The following DLEU7 variants were observed in gnomAD, a reference collection of about 807,000 sequenced individuals.
The protein encoded by DLEU7 is leukemia-associated protein 7.
Under a neutral mutation model 16.0 loss-of-function variants are expected in DLEU7, and 17 were observed. That is an observed-to-expected ratio of 1.06 (90% confidence interval 0.73 to 1.59). The LOEUF is 1.59. Ranked by LOEUF, DLEU7 falls within the 40% of genes most tolerant of loss-of-function variation. The probability of loss-of-function intolerance (pLI) is 0.00; values close to 1 mark genes in which losing one functional copy is unlikely to be tolerated. For synonymous variants in DLEU7, 113 were observed against 139.8 expected, an observed-to-expected ratio of 0.81 and a Z score of 1.35; for missense variants, 308 against 314.9, an observed-to-expected ratio of 0.98 and a Z score of 0.17.
At chr13:50,750,675 T>TTTGA (rs796815888) in intron 1 of DLEU7, among the ~76,000 whole-genome samples, 68 of 151,922 alleles carry the variant, frequency 4.5e-4, no homozygotes, top group African/African-American at 1.6e-3. Flanking sequence ...TCCTATGTTT[T>TTTGA]TTGTTTGTTT....
chr13:50,771,658 T>A lies in DLEU7; in HGVS notation c.460-58418A>T, dbSNP rs144270659. On this transcript the variant is annotated intron_variant, in intron 1 of 1. Transcript: ENST00000400393. ...TTGTTGTGATTTCTATTCTTTTACA[T>A]TTGCTGAGGAGAACTTTACTTCCAA... is the stretch of plus-strand genomic sequence containing the variant. Among the ~76,000 whole-genome samples, 696 of 152,328 alleles carry A rather than the reference T, an allele frequency of 4.6e-3. 3 individuals carry two copies. Among genetic ancestry groups the A allele is most frequent in the African/African-American group, 0.016 (668 of 41,572 alleles).
chr13:50,809,694 T>C (rs1876504507), intron 1 of DLEU7, among the ~76,000 whole-genome samples: 1 of 152,084 alleles, frequency 6.6e-6, no homozygotes, highest in African/African-American at 2.4e-5. Flanking sequence ...CAAAAACACT[T>C]TTTTCTTTTT....
intron 1 of DLEU7, among the ~76,000 whole-genome samples, chr13:50,783,976 G>A (rs889824771): frequency 1.3e-5 from 2 of 152,192 alleles, no homozygotes; most frequent in Admixed American, 1.3e-4. Flanking sequence ...CTGTTTTTAA[G>A]AGGTTGCCAA....
chr13:50,838,155 C>T (rs1364111865), intron 1 of DLEU7, among the ~76,000 whole-genome samples: 3 of 152,158 alleles, frequency 2.0e-5, no homozygotes, highest in South Asian at 2.1e-4. Flanking sequence ...GCAATGACTG[C>T]GAAGCCAAAG....
At chr13:50,730,634 A>G (rs1873889049) in intron 1 of DLEU7, among the ~76,000 whole-genome samples, 1 of 152,154 alleles carries the variant, frequency 6.6e-6, no homozygotes, top group African/African-American at 2.4e-5. Context: ...TGGTTTTTAA[A>G]TCAGAGTGTG....
At chr13:50,829,010 T>A (rs1175865898) in intron 1 of DLEU7, among the ~76,000 whole-genome samples, 1 of 152,220 alleles carries the variant, frequency 6.6e-6, no homozygotes. Context: ...TGGCTCAAGA[T>A]GGCATTGAAT....
At chr13:50,711,772 C>CCGGGGGGGGGGGGGGGGGGGGGGGGGGGG, downstream of DLEU7, 4 of 72,920 alleles carry the variant, frequency 5.5e-5, 1 homozygote, top group Non-Finnish European at 1.0e-4. Flanking sequence ...GACCCAGTGG[C>CCGGGGGGGGGGGGGGGGGGGGGGGGGGGG]GGGGGCGGGG....
chr13:50,782,879 G>C (rs1473467222), intron 1 of DLEU7, among the ~76,000 whole-genome samples: 1 of 151,916 alleles, frequency 6.6e-6, no homozygotes, highest in Non-Finnish European at 1.5e-5. Context: ...AGATGCTGTT[G>C]GTGCCTGGGT....
At chr13:50,746,178 T>C (rs893287043) in intron 1 of DLEU7, among the ~76,000 whole-genome samples, 1 of 152,222 alleles carries the variant, frequency 6.6e-6, no homozygotes, top group Non-Finnish European at 1.5e-5. Context: ...CAGTAAGTTC[T>C]GTGCAAGCAT....
At position 50,815,523 on chromosome 13, in the gene DLEU7, A is replaced by G. The variant is rs538904123; in HGVS notation, c.459+27665T>C. On this transcript the variant is annotated intron_variant, in intron 1 of 1. Transcript: ENST00000400393. The stretch of plus-strand genomic sequence containing the variant: ...TTTTTCAATTGTTTCTATACTGACT[A>G]GATCAACTATTGAGCAGGTTCATTC... Among the ~76,000 whole-genome samples the G allele has an allele frequency of 2.6e-5, 4 of 152,276 alleles. No homozygotes were observed. The South Asian group carries it at 8.3e-4, about 32-fold the overall frequency.
At chr13:50,806,313 T>A (rs1385224702) in intron 1 of DLEU7, among the ~76,000 whole-genome samples, 1 of 152,150 alleles carries the variant, frequency 6.6e-6, no homozygotes, top group East Asian at 1.9e-4. Context: ...AAGAAATTAT[T>A]TTTTATTTTC....
chr13:50,751,059 T>C (rs557484931), intron 1 of DLEU7, among the ~76,000 whole-genome samples: 1 of 152,320 alleles, frequency 6.6e-6, no homozygotes, highest in Non-Finnish European at 1.5e-5. Context: ...CAGTATTACG[T>C]TGGCTGTGGG....
rs75706650 is a variant in DLEU7 at position 50,803,207 on chromosome 13, C to T, written c.459+39981G>A. Among the ~76,000 whole-genome samples, 455 of 152,226 alleles carry T rather than the reference C, an allele frequency of 3.0e-3. 3 individuals are homozygous for T. Among genetic ancestry groups the T allele is most frequent in the African/African-American group, 0.01 (420 of 41,546 alleles). On this transcript the variant is annotated intron_variant, in intron 1 of 1. Transcript: ENST00000400393. ...CAAATTTCCCTCAACTAAGATTGTA[C>T]GAATTTATACTTTAACCATCAGTGT...
intron 1 of DLEU7, among the ~76,000 whole-genome samples, chr13:50,828,339 A>G (rs1956989591): frequency 6.6e-6 from 1 of 152,236 alleles, no homozygotes; most frequent in Non-Finnish European, 1.5e-5. Context: ...TCACAATGCA[A>G]ATAAATGAGA....
intron 1 of DLEU7, among the ~76,000 whole-genome samples, chr13:50,772,862 T>G (rs1283283589): frequency 6.6e-6 from 1 of 152,232 alleles, no homozygotes; most frequent in Non-Finnish European, 1.5e-5. Flanking sequence ...GCAGAGTATT[T>G]TCCAACTTGG....
chr13:50,772,667 A>C (rs1463047979), intron 1 of DLEU7, among the ~76,000 whole-genome samples: 1 of 152,184 alleles, frequency 6.6e-6, no homozygotes, highest in Admixed American at 6.5e-5. Flanking sequence ...CTTTGTGGGT[A>C]ACCCGACCTT....
At chr13:50,833,478 T>G (rs995028072) in intron 1 of DLEU7, among the ~76,000 whole-genome samples, 3 of 152,100 alleles carry the variant, frequency 2.0e-5, no homozygotes, top group African/African-American at 7.2e-5. Flanking sequence ...GAATACAAAT[T>G]ACAAGGGATG....
At chr13:50,754,250 T>A (rs1415031485) in intron 1 of DLEU7, among the ~76,000 whole-genome samples, 1 of 152,222 alleles carries the variant, frequency 6.6e-6, no homozygotes, top group Non-Finnish European at 1.5e-5. Flanking sequence ...TGACGACCTG[T>A]CTAGTGCTAT....
intron 1 of DLEU7, among the ~76,000 whole-genome samples, chr13:50,835,754 CTGCATTG>C (rs1156650545): frequency 4.6e-5 from 7 of 152,246 alleles, no homozygotes; most frequent in African/African-American, 1.7e-4. Flanking sequence ...TTTCTGCATT[CTGCATTG>C]TGCATTTATT....
Sources: gnomAD v4.1 joint callset for allele counts (sites outside exome capture counted in the v4.1 genomes callset) on GRCh38, gnomAD v4.1.1 for gene constraint, MANE v1.5 for transcripts, NCBI Gene and HGNC (gene_info 2026-07-23, HGNC 2026-07-21) for gene names.